METTL24: variants seen among roughly 807,000 people sequenced by gnomAD.
The protein encoded by METTL24 is probable methyltransferase-like protein 24.
In METTL24, 29 loss-of-function variants were observed where a neutral mutation model predicts 32.7. The ratio of observed to expected loss-of-function variants is 0.89; its 90% CI spans 0.66 to 1.21. The LOEUF is 1.21. Ranked by LOEUF, METTL24 falls within the 50% of genes most tolerant of loss-of-function variation. METTL24 has a pLI of 0.00. For missense variants in METTL24, 439 were observed against 468.1 expected, an observed-to-expected ratio of 0.94 and a Z score of 0.57; for synonymous variants, 163 against 179.5, an observed-to-expected ratio of 0.91 and a Z score of 0.73.
chr6:110,306,476 T>C (rs1449697573), intron 3 of METTL24, among the ~76,000 whole-genome samples: 1 of 151,930 alleles, frequency 6.6e-6, no homozygotes, highest in Non-Finnish European at 1.5e-5. Context: ...TTCTCTATTA[T>C]AAATATCATA....
chr6:110,307,410 G>T (rs564799785), intron 3 of METTL24, among the ~76,000 whole-genome samples: 2 of 152,318 alleles, frequency 1.3e-5, no homozygotes, highest in Non-Finnish European at 2.9e-5. Flanking sequence ...AGAAAATTTT[G>T]CTTGAAAGAA....
intron 1 of METTL24, among the ~76,000 whole-genome samples, chr6:110,343,528 C>T (rs1772405567): frequency 6.6e-6 from 1 of 152,124 alleles, no homozygotes; most frequent in African/African-American, 2.4e-5. Context: ...TAATTCATGC[C>T]TAGGACAGGC....
At chr6:110,296,377 A>G (rs1771419781) in intron 4 of METTL24, among the ~76,000 whole-genome samples, 1 of 152,226 alleles carries the variant, frequency 6.6e-6, no homozygotes, top group Non-Finnish European at 1.5e-5. Flanking sequence ...TAGACAGTTA[A>G]TCATTTCACA....
Position 110,246,026 on chromosome 6 carries a change from G to A in METTL24, c.1021C>T (p.Pro341Ser). ...LFHSYKDLSK[P>S]QLFLKKDIFN... is the part of the protein sequence containing the mutation. ...ATGTCTTTCTTCAAGAATAGCTGAG[G>A]TTTAGATAAGTCTTTGTAACTGTGA... The change falls in exon 5 of 5, where the codon CCT (proline) becomes TCT (serine). Residue 341 changes from proline (P) to serine (S), a missense_variant. Pro to Ser is a moderately conservative substitution (Grantham distance 74). Transcript: ENST00000338882. 1 of 1,614,166 alleles carries A rather than the reference G, an allele frequency of 6.2e-7. No homozygotes were observed. Among genetic ancestry groups the A allele is most frequent in the African/African-American group, 1.3e-5 (1 of 75,036 alleles).
In METTL24 at chr6:110,283,449, C is replaced by T. The variant is rs551467796; in HGVS notation, c.786+15473G>A. The stretch of plus-strand genomic sequence containing the variant: ...AGAAGAAGCTAACAAATCCTCTCAC[C>T]GCTCCCCAGAGCCATTCTATAGAAA... On this transcript the variant is annotated intron_variant, in intron 4 of 4. Transcript: ENST00000338882. Among the ~76,000 whole-genome samples the T allele has an allele frequency of 3.7e-3, 559 of 152,212 alleles. 5 individuals are homozygous for T. Among genetic ancestry groups the T allele is most frequent in the Non-Finnish European group, 5.4e-3 (368 of 68,006 alleles).
At chr6:110,349,477 C>T (rs1010758370) in intron 1 of METTL24, among the ~76,000 whole-genome samples, 1 of 152,202 alleles carries the variant, frequency 6.6e-6, no homozygotes, top group Non-Finnish European at 1.5e-5. Context: ...AGAAATAAAC[C>T]TCTGCTAGCA....
intron 4 of METTL24, among the ~76,000 whole-genome samples, chr6:110,269,004 A>G (rs996428040): frequency 2.7e-4 from 41 of 152,286 alleles, no homozygotes; most frequent in African/African-American, 9.9e-4. Flanking sequence ...CACATGTTAA[A>G]TTGTCAAAAA....
intron 4 of METTL24, among the ~76,000 whole-genome samples, chr6:110,267,821 GA>G (rs2114706186): frequency 6.6e-6 from 1 of 152,308 alleles, no homozygotes; most frequent in South Asian, 2.1e-4. Flanking sequence ...AATTATGGTG[GA>G]AGGTAAAATG....
chr6:110,328,010 C>T lies in METTL24; in HGVS notation c.319-5138G>A, dbSNP rs997791669. 7.9e-5 allele frequency among the ~76,000 whole-genome samples: 12 copies of T among 152,330 alleles called. No homozygotes were observed. In the East Asian group the frequency reaches 2.3e-3, roughly 29 times the overall value. On this transcript the variant is annotated intron_variant, in intron 1 of 4. Transcript: ENST00000338882. ...CAGACAGGTAAAGCAGCAGCTTAAG[C>T]AGAGGTGGCTGGAAATAACATCATT... is the stretch of plus-strand genomic sequence containing the variant.
intron 2 of METTL24, among the ~76,000 whole-genome samples, chr6:110,318,008 TAA>T (rs1281277809): frequency 6.6e-6 from 1 of 152,088 alleles, no homozygotes; most frequent in Non-Finnish European, 1.5e-5. Flanking sequence ...CTCAGAAAAT[TAA>T]AAGAGGCTAT....
At chr6:110,343,759 T>C (rs1257252968) in intron 1 of METTL24, among the ~76,000 whole-genome samples, 1 of 152,166 alleles carries the variant, frequency 6.6e-6, no homozygotes, top group Non-Finnish European at 1.5e-5. Flanking sequence ...TCAGTTTTAG[T>C]TGATTTCTGT....
intron 1 of METTL24, among the ~76,000 whole-genome samples, chr6:110,355,817 C>T (rs1427872799): frequency 6.6e-6 from 1 of 152,176 alleles, no homozygotes; most frequent in African/African-American, 2.4e-5. Context: ...TTCTCACCAC[C>T]TCCACACCTA....
chr6:110,318,477 G>A (rs1330769711), intron 2 of METTL24, among the ~76,000 whole-genome samples: 10 of 151,548 alleles, frequency 6.6e-5, no homozygotes, highest in South Asian at 6.2e-4. Context: ...GTGAAACCCC[G>A]CCTTTACTAA....
At chr6:110,251,840 AC>A (rs149603983) in intron 4 of METTL24, among the ~76,000 whole-genome samples, 12,234 of 152,016 alleles carry the variant, frequency 0.08, 515 homozygotes, top group South Asian at 0.16. Context: ...TAAAGGCCAC[AC>A]CCCTTCATAC....
intron 4 of METTL24, among the ~76,000 whole-genome samples, chr6:110,297,528 T>C (rs1390713334): frequency 6.6e-6 from 1 of 152,152 alleles, no homozygotes; most frequent in African/African-American, 2.4e-5. Flanking sequence ...GCAAGACTCC[T>C]AACTGAACAC....
intron 1 of METTL24, chr6:110,357,431 G>A (rs1304570436): frequency 6.6e-6 from 1 of 152,248 alleles, no homozygotes; most frequent in East Asian, 1.9e-4. Context: ...GCCAACGCCT[G>A]GAATGAGACT....
At chr6:110,286,639 C>A (rs1453476266) in intron 4 of METTL24, among the ~76,000 whole-genome samples, 1 of 152,116 alleles carries the variant, frequency 6.6e-6, no homozygotes, top group African/African-American at 2.4e-5. Context: ...AGGTAGAACA[C>A]CTCAAAGAAA....
chr6:110,306,595 C>A (rs77860912), intron 3 of METTL24, among the ~76,000 whole-genome samples: 285 of 152,076 alleles, frequency 1.9e-3, no homozygotes, highest in African/African-American at 6.3e-3. Flanking sequence ...TTATGTTATA[C>A]TTTTACTATA....
chr6:110,303,729 C>T (rs548129143), intron 3 of METTL24, among the ~76,000 whole-genome samples: 2 of 152,366 alleles, frequency 1.3e-5, no homozygotes, highest in Admixed American at 6.5e-5. Context: ...GGGGCGGCTG[C>T]GGGTGCAGCT....
Sources: gnomAD v4.1 joint callset for allele counts (sites outside exome capture counted in the v4.1 genomes callset) on GRCh38, gnomAD v4.1.1 for gene constraint, MANE v1.5 for transcripts, NCBI Gene and HGNC (gene_info 2026-07-23, HGNC 2026-07-21) for gene names.